HS6ST2: variants seen among roughly 807,000 people sequenced by gnomAD.
The protein encoded by HS6ST2 is heparan-sulfate 6-O-sulfotransferase 2.
HS6ST2 carries 17 observed loss-of-function variants against 33.0 expected under a neutral mutation model. That is an observed-to-expected ratio of 0.52 (90% confidence interval 0.35 to 0.77). The LOEUF (loss-of-function observed/expected upper bound fraction) is 0.77. Ranked by LOEUF, HS6ST2 falls within the 30% of genes least tolerant of loss-of-function variation. The pLI is 0.01. For synonymous variants in HS6ST2, 248 were observed against 237.1 expected (o/e 1.05, Z -0.42); for missense variants, 519 against 551.7 (o/e 0.94, Z 0.59).
intron 4 of HS6ST2, among the ~76,000 whole-genome samples, chrX:132,637,825 ATAT>A (rs1385017931): frequency 5.5e-5 from 3 of 54,282 alleles, no homozygotes; most frequent in South Asian, 7.7e-4. Context: ...TATATATATA[ATAT>A]TATATATAAT....
At chrX:132,789,199 G>A (rs905549248) in intron 2 of HS6ST2, among the ~76,000 whole-genome samples, 1 of 111,610 alleles carries the variant, frequency 9.0e-6, no homozygotes, top group Non-Finnish European at 1.9e-5. Flanking sequence ...TCACTCTCTC[G>A]TTAGGAGCTA....
intron 2 of HS6ST2, among the ~76,000 whole-genome samples, chrX:132,824,402 AT>A (rs2065495480): frequency 8.9e-6 from 1 of 112,424 alleles, no homozygotes; most frequent in Non-Finnish European, 1.9e-5. Context: ...TTCTAAAATG[AT>A]TTTGCTTCCA....
chrX:132,893,625 C>A (rs1309637186), intron 2 of HS6ST2, among the ~76,000 whole-genome samples: 1 of 111,729 alleles, frequency 9.0e-6, no homozygotes, highest in African/African-American at 3.3e-5. Context: ...TGAAGTTCAA[C>A]AGAACTCTTC....
chrX:132,628,101 A>G lies in HS6ST2; in HGVS notation c.*122T>C. The G allele has an allele frequency of 5.7e-6, 3 of 528,601 alleles. No homozygotes were observed. In the East Asian group the frequency reaches 1.1e-4, roughly 19 times the overall value. 43.6% of individuals were successfully genotyped at this position (528,601 alleles called of 1,213,427 possible). A position where few individuals can be genotyped will look rare whatever the true frequency, so the allele number is the denominator to read the frequency against. The stretch of plus-strand genomic sequence containing the variant: ...AGGCAACTGTAAAGGCAACATCTAA[A>G]CTTTTTTTTAAAACTTCCCCAATGA... On this transcript the variant is annotated 3_prime_UTR_variant, in exon 5 of 5. Transcript: ENST00000370833.
intron 2 of HS6ST2, among the ~76,000 whole-genome samples, chrX:132,851,353 C>A (rs1223058774): frequency 8.9e-6 from 1 of 112,365 alleles, no homozygotes; most frequent in Non-Finnish European, 1.9e-5. Context: ...TCTTGTAATG[C>A]CTCCCGTAAG....
chrX:132,828,055 T>G (rs1052749276), intron 2 of HS6ST2, among the ~76,000 whole-genome samples: 3 of 111,570 alleles, frequency 2.7e-5, no homozygotes, highest in African/African-American at 6.5e-5. Flanking sequence ...TCCTAATCAC[T>G]CTGGGAGATC....
chrX:132,731,078 A>T (rs2064452856), intron 2 of HS6ST2, among the ~76,000 whole-genome samples: 1 of 111,372 alleles, frequency 9.0e-6, no homozygotes, highest in South Asian at 3.8e-4. Flanking sequence ...AGGGCAAGAG[A>T]TTTACTTTAG....
intron 2 of HS6ST2, among the ~76,000 whole-genome samples, chrX:132,955,458 C>T (rs1057296511): frequency 8.9e-6 from 1 of 112,184 alleles, no homozygotes; most frequent in Non-Finnish European, 1.9e-5. Flanking sequence ...AGTCAGAGGG[C>T]TCTAGGGCTC....
At chrX:132,709,030 G>C (rs1278940456) in intron 2 of HS6ST2, among the ~76,000 whole-genome samples, 3 of 112,054 alleles carry the variant, frequency 2.7e-5, no homozygotes, top group African/African-American at 9.7e-5. Context: ...CACACATAAG[G>C]TGATATATAA....
At position 132,950,798 on chromosome X, in the gene HS6ST2, G is replaced by A. The variant is rs778305625; in HGVS notation, c.947+6010C>T. 1.5e-4 allele frequency among the ~76,000 whole-genome samples: 17 copies of A among 111,347 alleles called. No homozygotes were observed. In the South Asian group the frequency reaches 6.5e-3, roughly 42 times the overall value. On this transcript the variant is annotated intron_variant, in intron 2 of 4. Transcript: ENST00000370833. ...TACCAGTTTGAAACCTTTTCGTTTT[G>A]GCTTTTTTTTGACAGATAAGCATAT...
chrX:132,924,716 G>A (rs1321024170), intron 2 of HS6ST2, among the ~76,000 whole-genome samples: 3 of 111,649 alleles, frequency 2.7e-5, no homozygotes, highest in African/African-American at 9.8e-5. Context: ...GACGGGGCAT[G>A]GTGGCTTACG....
At chrX:132,925,792 G>T in intron 2 of HS6ST2, among the ~76,000 whole-genome samples, 1 of 112,003 alleles carries the variant, frequency 8.9e-6, no homozygotes, top group East Asian at 2.8e-4. Flanking sequence ...TTAATAGAAT[G>T]AAACCAGAAG....
chrX:132,706,176 T>G (rs1283998313), intron 3 of HS6ST2, among the ~76,000 whole-genome samples: 1 of 111,386 alleles, frequency 9.0e-6, no homozygotes, highest in Non-Finnish European at 1.9e-5. Context: ...GGGATGATCT[T>G]AAAGCTCCCC....
At chrX:132,865,163 T>C (rs1239405792) in intron 2 of HS6ST2, among the ~76,000 whole-genome samples, 1 of 85,222 alleles carries the variant, frequency 1.2e-5, no homozygotes, top group African/African-American at 4.4e-5. Flanking sequence ...GAGTGTGATG[T>C]TCCCCTTCCT....
At chrX:132,697,382 G>T (rs1399678346) in intron 3 of HS6ST2, among the ~76,000 whole-genome samples, 4 of 111,777 alleles carry the variant, frequency 3.6e-5, no homozygotes, top group African/African-American at 1.3e-4. Flanking sequence ...AAAAGAGAAA[G>T]AAAAATTAAG....
rs754800198 is a variant in HS6ST2 at position 132,779,243 on chromosome X, G to A, written c.948-70749C>T. Among the ~76,000 whole-genome samples, 5 of 111,754 alleles carry A rather than the reference G, an allele frequency of 4.5e-5. No homozygotes were observed. In the South Asian group the frequency reaches 1.9e-3, roughly 43 times the overall value. On this transcript the variant is annotated intron_variant, in intron 2 of 4. Transcript: ENST00000370833. ...TTTAAAACATGCTTCATACCTCATT[G>A]ATGATATTTTACATCCTTTCCCCAG...
chrX:132,740,514 C>A (rs1387593870), intron 2 of HS6ST2, among the ~76,000 whole-genome samples: 1 of 111,782 alleles, frequency 8.9e-6, no homozygotes, highest in Non-Finnish European at 1.9e-5. Context: ...TATTTCCCTG[C>A]ATTTACTTCT....
chrX:132,857,698 T>C (rs2065867013), intron 2 of HS6ST2, among the ~76,000 whole-genome samples: 1 of 111,368 alleles, frequency 9.0e-6, no homozygotes, highest in African/African-American at 3.3e-5. Context: ...AGTGATTTGG[T>C]TGAGTCTACA....
At chrX:132,672,135 G>A (rs2063886480) in intron 3 of HS6ST2, among the ~76,000 whole-genome samples, 1 of 111,375 alleles carries the variant, frequency 9.0e-6, no homozygotes, top group Non-Finnish European at 1.9e-5. Flanking sequence ...AGAAAATACT[G>A]CAGCTGCAGA....
Sources: allele counts gnomAD v4.1 joint callset (sites outside exome capture counted in the v4.1 genomes callset), GRCh38; gene constraint gnomAD v4.1.1; transcripts MANE v1.5; gene names NCBI Gene and HGNC (gene_info 2026-07-23, HGNC 2026-07-21).